Variants in DCDC1 observed in about 807,000 individuals in gnomAD.
DCDC1 encodes doublecortin domain-containing protein 1.
DCDC1 carries 200 observed loss-of-function variants against 178.3 expected under a neutral mutation model. The observed-to-expected ratio is 1.12, with a 90% CI of 1.00 to 1.26. The LOEUF (loss-of-function observed/expected upper bound fraction) is 1.26. Among genes scored for constraint, DCDC1 ranks in the 50% most tolerant of loss-of-function variants. The pLI is 0.00. For missense variants in DCDC1, 1,983 were observed against 1,749.2 expected, an observed-to-expected ratio of 1.13 and a Z score of -2.38; for synonymous variants, 690 against 604.8, an observed-to-expected ratio of 1.14 and a Z score of -2.07.
At chr11:31,321,660 C>T (rs746457527) in intron 3 of DCDC1, among the ~76,000 whole-genome samples, 14 of 152,270 alleles carry the variant, frequency 9.2e-5, no homozygotes, top group Admixed American at 1.3e-4. Context: ...TGTTCCTATT[C>T]GGCCATCTTG....
intron 20 of DCDC1, among the ~76,000 whole-genome samples, chr11:31,026,585 T>C (rs1401762313): frequency 6.6e-6 from 1 of 151,834 alleles, no homozygotes; most frequent in Admixed American, 6.6e-5. Context: ...GCCATGACAA[T>C]AGTAATTTTG....
At chr11:31,213,588 C>T (rs554030453) in intron 9 of DCDC1, among the ~76,000 whole-genome samples, 9 of 151,686 alleles carry the variant, frequency 5.9e-5, no homozygotes, top group East Asian at 1.9e-4. Flanking sequence ...GGCGTGGTGG[C>T]GGGCACCTGT....
chr11:31,024,699 A>T (rs966404872), intron 20 of DCDC1, among the ~76,000 whole-genome samples: 1 of 151,926 alleles, frequency 6.6e-6, no homozygotes, highest in African/African-American at 2.4e-5. Context: ...CTAGAATTTT[A>T]AAAATGTATT....
intron 9 of DCDC1, among the ~76,000 whole-genome samples, chr11:31,154,522 G>C (rs1199365449): frequency 1.3e-5 from 2 of 152,172 alleles, no homozygotes; most frequent in Admixed American, 1.3e-4. Context: ...ACCAGACTGA[G>C]CTCCTCTAAA....
At chr11:31,065,635 T>C (rs1353078555) in intron 18 of DCDC1, among the ~76,000 whole-genome samples, 3 of 152,210 alleles carry the variant, frequency 2.0e-5, no homozygotes, top group East Asian at 1.9e-4. Flanking sequence ...GTAGAGCATA[T>C]GTCTATGAAC....
At chr11:31,000,520 A>C (rs1485461930) in intron 20 of DCDC1, among the ~76,000 whole-genome samples, 1 of 152,170 alleles carries the variant, frequency 6.6e-6, no homozygotes, top group Non-Finnish European at 1.5e-5. Flanking sequence ...AGGGAGCTAC[A>C]CATGCAGATA....
At chr11:31,117,218 G>A (rs1247312834) in intron 11 of DCDC1, among the ~76,000 whole-genome samples, 1 of 152,078 alleles carries the variant, frequency 6.6e-6, no homozygotes, top group African/African-American at 2.4e-5. Context: ...CAGAGGCCTA[G>A]GGTAGGCTGG....
At chr11:31,000,971 T>A (rs1951540636) in intron 20 of DCDC1, among the ~76,000 whole-genome samples, 1 of 152,146 alleles carries the variant, frequency 6.6e-6, no homozygotes, top group Non-Finnish European at 1.5e-5. Context: ...TATATGCTGA[T>A]CCTTAGCAAA....
chr11:30,949,194 G>T (rs960364790), intron 21 of DCDC1, among the ~76,000 whole-genome samples: 3 of 152,144 alleles, frequency 2.0e-5, no homozygotes, highest in African/African-American at 7.2e-5. Flanking sequence ...AGTGAGCAAA[G>T]GATATAAATA....
In DCDC1 at chr11:31,148,091, A is replaced by G. The variant is rs991550474; in HGVS notation, c.1222-10307T>C. ...GCAAGCTGAGTTCAGGTTAGGGCAC[A>G]TGGCATTCCTGATCATGGCAGAATA... On this transcript the variant is annotated intron_variant, in intron 9 of 38. Transcript: ENST00000684477. Among the ~76,000 whole-genome samples, 38 of 152,042 alleles carry G rather than the reference A, an allele frequency of 2.5e-4. 1 individual carries two copies. Among genetic ancestry groups the G allele is most frequent in the African/African-American group, 8.5e-4 (35 of 41,410 alleles).
At chr11:31,323,809 C>G (rs1252332745) in intron 3 of DCDC1, among the ~76,000 whole-genome samples, 1 of 152,058 alleles carries the variant, frequency 6.6e-6, no homozygotes. Flanking sequence ...TGAATGTAAG[C>G]TTTTATAAAA....
chr11:31,313,511 C>T lies in DCDC1; in HGVS notation c.165-5603G>A, dbSNP rs185249309. Among the ~76,000 whole-genome samples the T allele has an allele frequency of 3.6e-3, 544 of 152,228 alleles. 2 individuals carry two copies. The highest frequency in any genetic ancestry group is 6.8e-3 in the Middle Eastern group (2 of 294). ...CGAGCTTGAGGTTTTGCATCCTGTC[C>T]TTCCTGTGCTTCTTGAGAACTATTA... On this transcript the variant is annotated intron_variant, in intron 3 of 38. Coordinates refer to ENST00000684477, the MANE Select transcript of DCDC1 (RefSeq NM_001387274.1).
intron 22 of DCDC1, among the ~76,000 whole-genome samples, chr11:30,928,329 C>G (rs1176986719): frequency 6.6e-6 from 1 of 151,866 alleles, no homozygotes; most frequent in East Asian, 1.9e-4. Context: ...GAATCATGAA[C>G]CACATAAACT....
chr11:31,153,874 C>A (rs551266269), intron 9 of DCDC1, among the ~76,000 whole-genome samples: 5 of 151,952 alleles, frequency 3.3e-5, no homozygotes, highest in African/African-American at 4.8e-5. Context: ...CACACACACA[C>A]ACACACACTC....
chr11:31,007,694 C>T (rs1324189448), intron 20 of DCDC1, among the ~76,000 whole-genome samples: 2 of 151,800 alleles, frequency 1.3e-5, no homozygotes, highest in African/African-American at 4.8e-5. Context: ...GACGGAGTCT[C>T]ACTGTGTCTC....
intron 18 of DCDC1, among the ~76,000 whole-genome samples, chr11:31,073,103 A>G (rs1215295947): frequency 6.6e-6 from 1 of 152,194 alleles, no homozygotes; most frequent in Non-Finnish European, 1.5e-5. Context: ...TTTAGAGCTA[A>G]TCAAAATTTC....
At chr11:31,279,244 T>G (rs76773851) in intron 7 of DCDC1, among the ~76,000 whole-genome samples, 1,850 of 151,534 alleles carry the variant, frequency 0.012, 49 homozygotes, top group East Asian at 0.098. Flanking sequence ...ATTTTCTTTT[T>G]TTTGTGTGTG....
At position 31,243,766 on chromosome 11, in the gene DCDC1, A is replaced by G. The variant is rs189120619; in HGVS notation, c.1055-2150T>C. Among the ~76,000 whole-genome samples, 4 of 151,944 alleles carry G rather than the reference A, an allele frequency of 2.6e-5. No homozygotes were observed. The East Asian group carries it at 7.7e-4, about 29-fold the overall frequency. ...CATGATTTATGTAATTAGGAATACT[A>G]TGGAAACCAGAAACAGCAAAGCAAA... On this transcript the variant is annotated intron_variant, in intron 8 of 38. Transcript: ENST00000684477.
intron 20 of DCDC1, among the ~76,000 whole-genome samples, chr11:30,969,803 AT>A (rs1949678650): frequency 6.6e-6 from 1 of 152,188 alleles, no homozygotes; most frequent in African/African-American, 2.4e-5. Context: ...TACATTTTAA[AT>A]TTTTATGTCC....
Sources: allele counts gnomAD v4.1 joint callset (sites outside exome capture counted in the v4.1 genomes callset), GRCh38; gene constraint gnomAD v4.1.1; transcripts MANE v1.5; gene names NCBI Gene and HGNC (gene_info 2026-07-23, HGNC 2026-07-21).